EPHA5: variants seen among roughly 807,000 people sequenced by gnomAD.
EPHA5 encodes ephrin type-A receptor 5.
In EPHA5, 60 loss-of-function variants were observed where a neutral mutation model predicts 105.0. The ratio of observed to expected loss-of-function variants is 0.57; its 90% confidence interval spans 0.46 to 0.71. EPHA5 has a LOEUF of 0.71. EPHA5 is among the 30% of genes least tolerant of loss of function. The probability of loss-of-function intolerance (pLI) is 0.00; values close to 1 mark genes in which losing one functional copy is unlikely to be tolerated. For missense variants in EPHA5, 1,218 were observed against 1,274.7 expected (o/e 0.96, Z 0.68); for synonymous variants, 513 against 449.1 (o/e 1.14, Z -1.80).
Position 65,365,676 on chromosome 4 carries a change from TA to T in EPHA5, c.1987+255del, listed in dbSNP as rs1560458120. On this transcript the variant is annotated intron_variant, in intron 10 of 16. Coordinates refer to ENST00000613740, the MANE Select transcript of EPHA5 (RefSeq NM_001281766.3). ...ATATATATATATATATATATATATA[TA>T]TATATATATATAGTGAAACATTATC... Among the ~76,000 whole-genome samples, 142 of 110,532 alleles carry T rather than the reference TA, an allele frequency of 1.3e-3. 2 individuals are homozygous for T. Among genetic ancestry groups the T allele is most frequent in the Non-Finnish European group, 2.2e-3 (110 of 49,090 alleles). The allele number at this position is 110,532 out of a possible 152,430, so 72.5% of individuals were successfully genotyped here. A position where few individuals can be genotyped will look rare whatever the true frequency, so the allele number is the denominator to read the frequency against.
At chr4:65,414,129 T>TA (rs1316580757) in intron 7 of EPHA5, among the ~76,000 whole-genome samples, 155 bp downstream of exon 7, 1 of 152,126 alleles carries the variant, frequency 6.6e-6, no homozygotes, top group East Asian at 1.9e-4. Flanking sequence ...CCTACCATAA[T>TA]AGCATGACAG....
At chr4:65,440,823 C>T (rs1725944818) in intron 5 of EPHA5, among the ~76,000 whole-genome samples, 1 of 151,900 alleles carries the variant, frequency 6.6e-6, no homozygotes, top group South Asian at 2.1e-4. Flanking sequence ...TTTTTAGTGG[C>T]CCATCTCCCT....
At chr4:65,558,590 C>T (rs13112976) in intron 3 of EPHA5, among the ~76,000 whole-genome samples, 35,321 of 151,810 alleles carry the variant, frequency 0.23, 4,198 homozygotes, top group Admixed American at 0.27. Flanking sequence ...ATGTGCACAA[C>T]GTGCAGGTTA....
intron 3 of EPHA5, among the ~76,000 whole-genome samples, chr4:65,518,184 A>T (rs1482440206): frequency 6.6e-6 from 1 of 151,970 alleles, no homozygotes. Context: ...GTCATGATAT[A>T]AATGCCATTT....
intron 3 of EPHA5, among the ~76,000 whole-genome samples, chr4:65,557,262 T>C (rs1738552254): frequency 3.1e-5 from 1 of 32,220 alleles, no homozygotes; most frequent in African/African-American, 9.8e-5. Context: ...ATATATATTC[T>C]CACACTTTGT....
At chr4:65,367,267 T>A in intron 9 of EPHA5, 90 bp downstream of exon 9, 1 of 1,104,480 alleles carries the variant, frequency 9.1e-7, no homozygotes, top group Non-Finnish European at 1.3e-6. Context: ...TTTGGTCAGT[T>A]ATTATAAATC....
chr4:65,458,718 A>G (rs573456056), intron 5 of EPHA5, among the ~76,000 whole-genome samples: 1 of 152,236 alleles, frequency 6.6e-6, no homozygotes, highest in South Asian at 2.1e-4. Context: ...CTACAATAGT[A>G]CCTTTCTAAT....
At chr4:65,480,868 TTAA>T (rs36050106) in intron 5 of EPHA5, among the ~76,000 whole-genome samples, 22 of 149,572 alleles carry the variant, frequency 1.5e-4, no homozygotes, top group African/African-American at 3.7e-4. Context: ...AATACAAACA[TTAA>T]TAATAATAAT....
At chr4:65,600,402 A>T (rs1743603412) in intron 3 of EPHA5, among the ~76,000 whole-genome samples, 1 of 152,166 alleles carries the variant, frequency 6.6e-6, no homozygotes, top group African/African-American at 2.4e-5. Context: ...AACAGAATTA[A>T]TAGTAGATGG....
intron 2 of EPHA5, among the ~76,000 whole-genome samples, chr4:65,606,214 G>C (rs749323158): frequency 7.2e-5 from 11 of 152,124 alleles, no homozygotes; most frequent in Non-Finnish European, 1.2e-4. Context: ...CAATATGAGG[G>C]AGAGGCAGGC....
At chr4:65,336,158 C>A (rs775894516) in intron 14 of EPHA5, 33 bp from the exon 15 acceptor site, 7 of 1,545,530 alleles carry the variant, frequency 4.5e-6, no homozygotes, top group East Asian at 4.7e-5. Context: ...AGCACCCCAA[C>A]ACCACAAATT....
intron 5 of EPHA5, among the ~76,000 whole-genome samples, chr4:65,461,381 A>T (rs1728105422): frequency 6.6e-6 from 1 of 152,020 alleles, no homozygotes; most frequent in African/African-American, 2.4e-5. Flanking sequence ...ACTGAAAAAC[A>T]GAAAATTTAT....
rs10019561 is a variant in EPHA5 at position 65,514,043 on chromosome 4, T to G, written c.911-18500A>C. ...ATCTTTTTTTCATATTCTCTTTACC[T>G]TTTTGCACAAACAAACATATGGCTT... On this transcript the variant is annotated intron_variant, in intron 3 of 16. Transcript: ENST00000613740. Among the ~76,000 whole-genome samples the G allele has an allele frequency of 6.6e-3, 1,011 of 152,266 alleles. 16 individuals are homozygous for G. The highest frequency in any genetic ancestry group is 0.023 in the African/African-American group (958 of 41,562).
intron 3 of EPHA5, among the ~76,000 whole-genome samples, chr4:65,562,715 G>C (rs555842780): frequency 6.6e-5 from 10 of 152,042 alleles, no homozygotes; most frequent in South Asian, 2.1e-4. Flanking sequence ...TTATTGTATA[G>C]AGCTTCTTCT....
chr4:65,495,326 T>C lies in EPHA5; in HGVS notation c.1066+62A>G, dbSNP rs750836672. 4.6e-6 allele frequency: 7 copies of C among 1,520,764 alleles called. No individual in the cohort carries two copies. In the Middle Eastern group the frequency reaches 5.3e-4, roughly 114 times the overall value. The allele number at this position is 1,520,764 out of a possible 1,614,324, so 94.2% of individuals were successfully genotyped here. A position where few individuals can be genotyped will look rare whatever the true frequency, so the allele number is the denominator to read the frequency against. ...TGTTACTAGACTATAACAGGCTCCA[T>C]CATGCTGTTTCCTCAAAACTGGTTA... On this transcript the variant is annotated intron_variant, in intron 4 of 16. Transcript: ENST00000613740.
intron 3 of EPHA5, among the ~76,000 whole-genome samples, chr4:65,561,249 T>G (rs1028400295): frequency 6.6e-6 from 1 of 152,068 alleles, no homozygotes; most frequent in Non-Finnish European, 1.5e-5. Context: ...AAGATATTAT[T>G]TATCTAAGAA....
chr4:65,409,451 C>T (rs1435866527), intron 7 of EPHA5, among the ~76,000 whole-genome samples: 3 of 151,984 alleles, frequency 2.0e-5, no homozygotes, highest in Non-Finnish European at 4.4e-5. Context: ...TATACATTTG[C>T]ATCATGCCTG....
intron 11 of EPHA5, among the ~76,000 whole-genome samples, chr4:65,363,339 C>G (rs957622850): frequency 6.6e-6 from 1 of 151,424 alleles, no homozygotes; most frequent in Non-Finnish European, 1.5e-5. Flanking sequence ...AATGTGGAAA[C>G]TAAGGTTCTA....
chr4:65,584,608 G>C (rs1741940314), intron 3 of EPHA5, among the ~76,000 whole-genome samples: 2 of 151,838 alleles, frequency 1.3e-5, no homozygotes, highest in South Asian at 2.1e-4. Context: ...TATTAGAAAA[G>C]TGTCTCTAAT....
Sources: gnomAD v4.1 joint callset for allele counts (sites outside exome capture counted in the v4.1 genomes callset) on GRCh38, gnomAD v4.1.1 for gene constraint, MANE v1.5 for transcripts, NCBI Gene and HGNC (gene_info 2026-07-23, HGNC 2026-07-21) for gene names.